The following ENTREP2 variants were observed in gnomAD, a reference collection of about 807,000 sequenced individuals.
The protein encoded by ENTREP2 is protein ENTREP2.
chr15:29,351,121 C>T, the ENTREP2 span, among the ~76,000 whole-genome samples: 1 of 152,308 alleles, frequency 6.6e-6, no homozygotes, highest in Non-Finnish European at 1.5e-5. Flanking sequence ...TGCACTCGCA[C>T]TAACCTAGAT....
At chr15:29,572,129 C>T in the ENTREP2 span, among the ~76,000 whole-genome samples, 3 of 152,194 alleles carry the variant, frequency 2.0e-5, no homozygotes, top group African/African-American at 7.2e-5. Context: ...GGGGCTATAG[C>T]TCAAGCCTTT....
At chr15:29,644,789 C>A in the ENTREP2 span, among the ~76,000 whole-genome samples, 1 of 133,268 alleles carries the variant, frequency 7.5e-6, no homozygotes, top group South Asian at 2.3e-4. Context: ...GGCAACAGAG[C>A]GAGACTCCAA....
the ENTREP2 span, among the ~76,000 whole-genome samples, chr15:29,470,557 T>TG: frequency 6.6e-6 from 1 of 152,194 alleles, no homozygotes; most frequent in South Asian, 2.1e-4. Flanking sequence ...ATCAACCATA[T>TG]GGTCTTTTCC....
the ENTREP2 span, among the ~76,000 whole-genome samples, chr15:29,292,910 T>C: frequency 6.6e-6 from 1 of 152,210 alleles, no homozygotes; most frequent in Non-Finnish European, 1.5e-5. Flanking sequence ...CCAAATACAT[T>C]TGCCATGAGA....
the ENTREP2 span, among the ~76,000 whole-genome samples, chr15:29,247,862 G>C: frequency 1.8e-3 from 270 of 152,258 alleles, 1 homozygote; most frequent in African/African-American, 5.9e-3. Flanking sequence ...AACAGACCCA[G>C]AGGTAAAGAA....
the ENTREP2 span, among the ~76,000 whole-genome samples, chr15:29,488,467 G>T: frequency 6.6e-6 from 1 of 152,168 alleles, no homozygotes; most frequent in African/African-American, 2.4e-5. Flanking sequence ...AATCCCAGAA[G>T]GAGAGGTGCG....
chr15:29,123,627 G>A, the ENTREP2 span: 4 of 1,550,258 alleles, frequency 2.6e-6, no homozygotes, highest in Non-Finnish European at 3.5e-6. Flanking sequence ...GGGCCCGACA[G>A]GCAGCCGTGG....
the ENTREP2 span, among the ~76,000 whole-genome samples, chr15:29,466,423 G>A: frequency 6.6e-6 from 1 of 151,034 alleles, no homozygotes; most frequent in African/African-American, 2.4e-5. Context: ...CCCAGGGGAG[G>A]ACACTGCTGC....
chr15:29,219,614 A>AATATATAAATATATAT, the ENTREP2 span, among the ~76,000 whole-genome samples: 3 of 38,402 alleles, frequency 7.8e-5, no homozygotes, highest in Non-Finnish European at 1.6e-4. Context: ...GTGGTGCATA[A>AATATATAAATATATAT]ATATATATAT....
At chr15:29,190,649 G>A in the ENTREP2 span, among the ~76,000 whole-genome samples, 1 of 152,196 alleles carries the variant, frequency 6.6e-6, no homozygotes, top group African/African-American at 2.4e-5. Context: ...ATCTCATTAA[G>A]TCAGTATCAG....
At chr15:29,571,098 G>GC in the ENTREP2 span, among the ~76,000 whole-genome samples, 5 of 150,856 alleles carry the variant, frequency 3.3e-5, no homozygotes, top group African/African-American at 1.2e-4. Context: ...CGTGCGCTGG[G>GC]CCCCAGCTGG....
the ENTREP2 span, among the ~76,000 whole-genome samples, chr15:29,383,900 G>A: frequency 6.6e-6 from 1 of 152,200 alleles, no homozygotes; most frequent in Non-Finnish European, 1.5e-5. Flanking sequence ...ACCGGCGACA[G>A]ACATTATTTA....
chr15:29,521,038 C>T, the ENTREP2 span, among the ~76,000 whole-genome samples: 1 of 152,086 alleles, frequency 6.6e-6, no homozygotes, highest in Non-Finnish European at 1.5e-5. Context: ...TTTGTCACTC[C>T]GGGAGATATT....
At chr15:29,357,553 C>G in the ENTREP2 span, among the ~76,000 whole-genome samples, 1 of 151,998 alleles carries the variant, frequency 6.6e-6, no homozygotes, top group African/African-American at 2.4e-5. Flanking sequence ...ACTGGTTGAT[C>G]TCAGCCAGGC....
At chr15:29,422,908 A>C in the ENTREP2 span, among the ~76,000 whole-genome samples, 6 of 152,214 alleles carry the variant, frequency 3.9e-5, no homozygotes, top group Non-Finnish European at 7.4e-5. Flanking sequence ...GGTGTACCTA[A>C]GAAGGCTAGG....
chr15:29,219,839 T>TA, the ENTREP2 span, among the ~76,000 whole-genome samples: 1 of 151,048 alleles, frequency 6.6e-6, no homozygotes, highest in Admixed American at 6.6e-5. Context: ...GTAAGAGTAA[T>TA]ACAATGGACT....
the ENTREP2 span, among the ~76,000 whole-genome samples, chr15:29,413,256 A>G: frequency 1.3e-5 from 2 of 152,176 alleles, no homozygotes; most frequent in Admixed American, 1.3e-4. Flanking sequence ...AGAATTCAGT[A>G]TATGTAAATT....
the ENTREP2 span, among the ~76,000 whole-genome samples, chr15:29,574,673 T>C: frequency 6.6e-6 from 1 of 152,190 alleles, no homozygotes. Context: ...GCTTGCACCA[T>C]GGGGAGACAA....
the ENTREP2 span, chr15:29,612,680 G>A: frequency 6.5e-6 from 1 of 153,330 alleles, no homozygotes; most frequent in East Asian, 1.9e-4. Flanking sequence ...TACCTGCCCA[G>A]GGACCACGAT....
Sources: gnomAD v4.1 joint callset for allele counts (sites outside exome capture counted in the v4.1 genomes callset) on GRCh38, gnomAD v4.1.1 for gene constraint, MANE v1.5 for transcripts, NCBI Gene and HGNC (gene_info 2026-07-23, HGNC 2026-07-21) for gene names.